The following KPTN variants were observed in gnomAD, a reference collection of about 807,000 sequenced individuals.
The protein encoded by KPTN is kaptin, actin binding protein.
A neutral mutation model predicts 52.6 loss-of-function variants in KPTN; 36 were observed. The observed-to-expected ratio is 0.68, with a 90% confidence interval of 0.52 to 0.90. The LOEUF (loss-of-function observed/expected upper bound fraction) is 0.90, where lower values mean the gene tolerates loss of function less well. Ranked by LOEUF, KPTN falls within the 40% of genes least tolerant of loss-of-function variation. KPTN has a pLI of 0.00. For missense variants in KPTN, 529 were observed against 576.2 expected, an observed-to-expected ratio of 0.92 and a Z score of 0.84; for synonymous variants, 271 against 248.4, an observed-to-expected ratio of 1.09 and a Z score of -0.85.
At chr19:47,482,037 A>C (rs1669101454) in intron 4 of KPTN, among the ~76,000 whole-genome samples, 1 of 152,230 alleles carries the variant, frequency 6.6e-6, no homozygotes, top group African/African-American at 2.4e-5. Flanking sequence ...AGCATCTCTG[A>C]TCTTGGAATG....
upstream of KPTN, chr19:47,484,250 C>G: frequency 7.0e-7 from 1 of 1,427,204 alleles, no homozygotes; most frequent in Non-Finnish European, 9.3e-7. Flanking sequence ...CCGCCGGGTG[C>G]CCGGCCGTTG....
chr19:47,480,641 G>T, intron 6 of KPTN, 119 bp downstream of exon 6: 1 of 946,870 alleles, frequency 1.1e-6, no homozygotes. Context: ...CTGAAGTCAT[G>T]CCGTGGACTG....
At position 47,476,887 on chromosome 19, in the gene KPTN, G is replaced by T; in HGVS notation, c.915C>A (p.Asp305Glu). 6.4e-7 allele frequency: 1 copy of T among 1,563,630 alleles called. No individual in the cohort carries two copies. Among genetic ancestry groups the T allele is most frequent in the Non-Finnish European group, 8.7e-7 (1 of 1,153,496 alleles). The change falls in exon 10 of 12, where the codon GAC becomes GAA. Residue 305 changes from aspartate (D) to glutamate (E), a missense_variant. Physicochemically the swap from Asp to Glu is conservative, Grantham distance 45. Coordinates refer to ENST00000338134, the MANE Select transcript of KPTN (RefSeq NM_007059.4). The part of the protein sequence containing the change: ...LEDQLLLPGS[D>E]QFDSVLCSLV... ...GGCTGCAGAGGACGCTGTCAAACTGGTCACTGCCGGGCAGGAGAAGCTGGT... is the reference window on the plus strand; with the variant it reads ...GGCTGCAGAGGACGCTGTCAAACTGTTCACTGCCGGGCAGGAGAAGCTGGT...
Position 47,480,385 on chromosome 19 carries a change from T to TGTGGAC in KPTN, c.616_621dup (p.Val206_His207dup). The stretch of plus-strand genomic sequence containing the variant: ...AGGCGCCGGGACGTGCCGGGGAAGT[T>TGTGGAC]GTGGACGTCCAGCCAGAGGACGCTG... On this transcript the variant is annotated inframe_insertion, in exon 7 of 12. Transcript: ENST00000338134. 2 of 1,548,788 alleles carry TGTGGAC rather than the reference T, an allele frequency of 1.3e-6. No individual in the cohort carries two copies. Among genetic ancestry groups the TGTGGAC allele is most frequent in the Non-Finnish European group, 1.7e-6 (2 of 1,146,120 alleles).
intron 8 of KPTN, 29 bp downstream of exon 8, chr19:47,479,834 C>G (rs1568455633): frequency 1.3e-6 from 2 of 1,589,962 alleles, no homozygotes; most frequent in East Asian, 2.2e-5. Context: ...CACCCGCTCT[C>G]TCCCCATCCC....
At chr19:47,477,606 G>A (rs1445355025) in intron 9 of KPTN, 100 bp downstream of exon 9, 16 of 904,424 alleles carry the variant, frequency 1.8e-5, no homozygotes, top group South Asian at 5.4e-5. Context: ...CCAGCTCTGG[G>A]TAATCCACCC....
rs564801905 is a variant in KPTN, at chr19:47,483,152, G to T, written c.449+9C>A. 4.3e-6 allele frequency: 7 copies of T among 1,613,290 alleles called. No individual in the cohort carries two copies. The Admixed American group carries it at 8.3e-5, about 19-fold the overall frequency. On this transcript the variant is annotated intron_variant, in intron 4 of 11. Transcript: ENST00000338134. The stretch of plus-strand genomic sequence containing the variant: ...GTGGAGTGGGCGTCGATGCGCAGGG[G>T]ACACTCACTCCGCATGGCACAGCTG...
chr19:47,484,057 G>A lies in KPTN; in HGVS notation c.104C>T (p.Ala35Val). 1 of 1,610,542 alleles carries A rather than the reference G, an allele frequency of 6.2e-7. No individual in the cohort carries two copies. Among genetic ancestry groups the A allele is most frequent in the Non-Finnish European group, 8.5e-7 (1 of 1,179,724 alleles). Reference sequence around the variant, plus strand: ...GGCCAGCAGCTCCCCGCGCCCGCCGGCGCCGCCTGCCAGCCCGTACACATT... The same window carrying A: ...GGCCAGCAGCTCCCCGCGCCCGCCGACGCCGCCTGCCAGCCCGTACACATT... The part of the protein sequence containing the change: ...QSNVYGLAGG[A>V]GGRGELLAAT... The change falls in exon 1 of 12, where the codon GCC (alanine) becomes GTC (valine). Residue 35 changes from alanine (A) to valine (V), a missense_variant. Ala to Val is a moderately conservative substitution (Grantham distance 64, BLOSUM62 0). Transcript: ENST00000338134.
intron 2 of KPTN, 56 bp downstream of exon 2, chr19:47,483,446 A>G: frequency 6.3e-7 from 1 of 1,594,936 alleles, no homozygotes; most frequent in South Asian, 1.1e-5. Flanking sequence ...GGCTCAGTGG[A>G]ACTCACCATG....
At position 47,484,094 on chromosome 19, in the gene KPTN, A is replaced by G; in HGVS notation, c.67T>C (p.Ser23Pro). The G allele has an allele frequency of 6.2e-7, 1 of 1,606,992 alleles. No homozygotes were observed. Among genetic ancestry groups the G allele is most frequent in the African/African-American group, 1.3e-5 (1 of 75,028 alleles). ...AGCCCGTACACATTGCTCTGCGACG[A>G]GAAGCGCGTGAAGCTGTCCTCGCGC... The part of the protein sequence containing the change: ...PLREDSFTRF[S>P]SQSNVYGLAG... The change falls in exon 1 of 12, where the codon TCG becomes CCG. Residue 23 changes from serine (S) to proline (P), a missense_variant. Ser to Pro is a moderately conservative substitution (Grantham distance 74, BLOSUM62 -1). Transcript: ENST00000338134.
Position 47,483,166 on chromosome 19 carries a change from A to T in KPTN, c.444T>A (p.His148Gln), listed in dbSNP as rs757041203. 1 of 1,613,978 alleles carries T rather than the reference A, an allele frequency of 6.2e-7. No homozygotes were observed. Among genetic ancestry groups the T allele is most frequent in the Non-Finnish European group, 8.5e-7 (1 of 1,179,938 alleles). Residue 148 changes from histidine to glutamine, a missense_variant, in exon 4 of 12, where the codon CAT becomes CAA. Physicochemically the swap from His to Gln is conservative, Grantham distance 24. Coordinates refer to ENST00000338134, the MANE Select transcript of KPTN (RefSeq NM_007059.4). ...GATGCGCAGGGGACACTCACTCCGC[A>T]TGGCACAGCTGGAACGGAGTGAACT... ...ELQFTPFQLC[H>Q]AEVQVGDQLE...
Position 47,478,711 on chromosome 19 carries a change from C to T in KPTN, c.788-930G>A, listed in dbSNP as rs902288415. 2.0e-5 allele frequency among the ~76,000 whole-genome samples: 3 copies of T among 151,792 alleles called. No individual in the cohort carries two copies. The South Asian group carries it at 6.2e-4, about 32-fold the overall frequency. ...TGTGGTATATATACACCATGGAGTA[C>T]TACTCAAGTCATAAAAATGTTGTCT... On this transcript the variant is annotated intron_variant, in intron 8 of 11. Transcript: ENST00000338134.
rs1568454254 is a variant in KPTN at position 47,477,716 on chromosome 19, C to CT, written c.852dup (p.Val285SerfsTer12). 1 of 1,613,588 alleles carries CT rather than the reference C, an allele frequency of 6.2e-7. No individual in the cohort carries two copies. The highest frequency in any genetic ancestry group is 1.1e-5 in the South Asian group (1 of 91,082). On this transcript the variant is annotated frameshift_variant, in exon 9 of 12. Transcript: ENST00000338134. LOFTEE classifies it high-confidence loss of function. ...CTCAGGCCCCCTCACCGATACACCA[C>CT]TGCTGGCTCCAACATGCTGGCCACG...
chr19:47,479,828 C>G (rs772574578), intron 8 of KPTN, 35 bp downstream of exon 8: 2 of 1,572,972 alleles, frequency 1.3e-6, no homozygotes, highest in Non-Finnish European at 1.7e-6. Flanking sequence ...CCCTCCCACC[C>G]GCTCTCTCCC....
chr19:47,485,778 G>A (rs1278978066), upstream of KPTN, among the ~76,000 whole-genome samples: 3 of 152,210 alleles, frequency 2.0e-5, no homozygotes, highest in African/African-American at 4.8e-5. Context: ...GTGGAGAGTA[G>A]AAGTTCCTGG....
intron 10 of KPTN, 41 bp from the exon 11 acceptor site, chr19:47,476,755 G>C (rs763156315): frequency 5.6e-6 from 9 of 1,604,644 alleles, no homozygotes; most frequent in Middle Eastern, 1.7e-4. Context: ...TTGATGGGGG[G>C]ACAGTGGAGG....
Position 47,483,923 on chromosome 19 carries a change from A to AGC in KPTN, c.226+10_226+11dup. On this transcript the variant is annotated intron_variant, in intron 1 of 11. Transcript: ENST00000338134. ...CCAGGCCCCCGCCCCCCAGCACCAT[A>AGC]GCGCCACCCACCGGGAATGTAGTTG... 6.2e-7 allele frequency: 1 copy of AGC among 1,612,450 alleles called. No individual in the cohort carries two copies. The highest frequency in any genetic ancestry group is 8.5e-7 in the Non-Finnish European group (1 of 1,179,614).
chr19:47,484,050 C>T lies in KPTN; in HGVS notation c.111G>A (p.Gly37=). ...NVYGLAGGAG[G]RGELLAATLK... The stretch of plus-strand genomic sequence containing the variant: ...GGGTGGCGGCCAGCAGCTCCCCGCG[C>T]CCGCCGGCGCCGCCTGCCAGCCCGT... Residue 37 remains glycine, a synonymous_variant, in exon 1 of 12, where the codon GGG becomes GGA. Transcript: ENST00000338134. The T allele has an allele frequency of 1.2e-6, 2 of 1,611,018 alleles. No individual in the cohort carries two copies. Among genetic ancestry groups the T allele is most frequent in the South Asian group, 2.2e-5 (2 of 91,056 alleles).
chr19:47,483,535 C>A lies in KPTN; in HGVS notation c.276G>T (p.Lys92Asn), dbSNP rs752619138. The change falls in exon 2 of 12, where the codon AAG becomes AAT. Residue 92 changes from lysine (K) to asparagine (N), a missense_variant. Transcript: ENST00000338134. ...SIDTFNKSPP[K>N]RGLVVGITFI... ...ACGTGATCCCCACAACCAGACCCCG[C>A]TTGGGGGGTGACTTGTTGAAAGTGT... 7 of 1,581,064 alleles carry A rather than the reference C, an allele frequency of 4.4e-6. No individual in the cohort carries two copies. The African/African-American group carries it at 9.4e-5, about 21-fold the overall frequency.
Sources: gnomAD v4.1 joint callset for allele counts (sites outside exome capture counted in the v4.1 genomes callset) on GRCh38, gnomAD v4.1.1 for gene constraint, MANE v1.5 for transcripts, NCBI Gene and HGNC (gene_info 2026-07-23, HGNC 2026-07-21) for gene names.